Variants in MIB2 observed in about 807,000 individuals in gnomAD.
MIB2 encodes the protein MIB E3 ubiquitin protein ligase 2, also known as E3 ubiquitin-protein ligase MIB2.
A neutral mutation model predicts 96.6 loss-of-function variants in MIB2; 78 were observed. The ratio of observed to expected loss-of-function variants is 0.81; its 90% CI spans 0.67 to 0.97. The LOEUF (loss-of-function observed/expected upper bound fraction) is 0.97, where lower values mean the gene tolerates loss of function less well. Among genes scored for constraint, MIB2 ranks in the 50% least tolerant of loss-of-function variants. The probability of loss-of-function intolerance (pLI) is 0.00; values close to 1 mark genes in which losing one functional copy is unlikely to be tolerated. For missense variants in MIB2, 1,543 were observed against 1,424.0 expected, an observed-to-expected ratio of 1.08 and a Z score of -1.35; for synonymous variants, 820 against 629.5, an observed-to-expected ratio of 1.30 and a Z score of -4.53.
In MIB2 at chr1:1,630,289, C is replaced by T; in HGVS notation, c.2630-3C>T. On this transcript the variant is annotated splice_region_variant and splice_polypyrimidine_tract_variant and intron_variant, in intron 19 of 19. Transcript: ENST00000355826. ...CAGCTCACACCCGTCCCCCACCCCG[C>T]AGACGGCTCTGAGGTGGCGAGCGCC... 6.7e-7 allele frequency: 1 copy of T among 1,491,450 alleles called. No individual in the cohort carries two copies. The highest frequency in any genetic ancestry group is 8.9e-7 in the Non-Finnish European group (1 of 1,124,878). The allele number at this position is 1,491,450 out of a possible 1,614,324, so 92.4% of individuals were successfully genotyped here.
chr1:1,626,885 C>G lies in MIB2; in HGVS notation c.1126C>G (p.Leu376Val), dbSNP rs748782576. Residue 376 changes from leucine (L) to valine (V), a missense_variant, in exon 10 of 20, where the codon CTG (leucine) becomes GTG (valine). Leu to Val is a conservative substitution (Grantham distance 32, BLOSUM62 1). Coordinates refer to ENST00000355826, the MANE Select transcript of MIB2 (RefSeq NM_001170687.4). The surrounding 1 kb of genome is among the most constrained non-coding windows in gnomAD (Gnocchi z 5.3). ...KVVKVFGDGN[L>V]RVAVAGQRWT... is the part of the protein sequence containing the mutation. Reference sequence around the variant, plus strand: ...GGTGAAAGTGTTTGGAGACGGGAACCTGCGTGTAGCAGTCGCTGGTCAGCG... The same window carrying G: ...GGTGAAAGTGTTTGGAGACGGGAACGTGCGTGTAGCAGTCGCTGGTCAGCG... 2 of 1,606,454 alleles carry G rather than the reference C, an allele frequency of 1.2e-6. No individual in the cohort carries two copies. Among genetic ancestry groups the G allele is most frequent in the South Asian group, 2.2e-5 (2 of 90,998 alleles).
chr1:1,625,162 A>G lies in MIB2; in HGVS notation c.698A>G (p.Tyr233Cys), dbSNP rs753164143. 1 of 1,611,810 alleles carries G rather than the reference A, an allele frequency of 6.2e-7. No individual in the cohort carries two copies. Among genetic ancestry groups the G allele is most frequent in the Non-Finnish European group, 8.5e-7 (1 of 1,179,148 alleles). Residue 233 changes from tyrosine (Y) to cysteine (C), a missense_variant, in exon 6 of 20, where the codon TAC (tyrosine) becomes TGC (cysteine). Coordinates refer to ENST00000355826, the MANE Select transcript of MIB2 (RefSeq NM_001170687.4). The surrounding 1 kb of genome is among the most constrained non-coding windows in gnomAD (Gnocchi z 5.0). Reference sequence around the variant, plus strand: ...GGCGAGGCAGCGGGCGGCTTCTACTACAAGGACCACCTCCCAAGGCTCGGT... The same window carrying G: ...GGCGAGGCAGCGGGCGGCTTCTACTGCAAGGACCACCTCCCAAGGCTCGGT... ...CVGEAAGGFY[Y>C]KDHLPRLGKP...
Position 1,616,608 on chromosome 1 carries a change from C to T in MIB2, c.-29C>T, listed in dbSNP as rs776074962. 8 of 1,592,060 alleles carry T rather than the reference C, an allele frequency of 5.0e-6. No individual in the cohort carries two copies. Among genetic ancestry groups the T allele is most frequent in the Admixed American group, 1.7e-5 (1 of 58,252 alleles). On this transcript the variant is annotated 5_prime_UTR_variant, in exon 2 of 20. Coordinates refer to ENST00000355826, the MANE Select transcript of MIB2 (RefSeq NM_001170687.4). ...GCGGCCCGGCGGGCGACTGGACGGC[C>T]GGACAGGTGAGCTCTTGATCGTCCG...
In MIB2 at chr1:1,629,122, C is replaced by T. The variant is rs754071109; in HGVS notation, c.2203-11C>T. 6.8e-7 allele frequency: 1 copy of T among 1,477,472 alleles called. No homozygotes were observed. The highest frequency in any genetic ancestry group is 2.8e-5 in the East Asian group (1 of 35,380). The allele number at this position is 1,477,472 out of a possible 1,614,324, so 91.5% of individuals were successfully genotyped here. A position where few individuals can be genotyped will look rare whatever the true frequency, so the allele number is the denominator to read the frequency against. Reference sequence around the variant, plus strand: ...GCGCCCGCCCTCACCGGCGTCTGTCCTGCCGCCCAGCTACAGGCCTCGGGC... The same window carrying T: ...GCGCCCGCCCTCACCGGCGTCTGTCTTGCCGCCCAGCTACAGGCCTCGGGC... On this transcript the variant is annotated splice_polypyrimidine_tract_variant and intron_variant, in intron 16 of 19. Transcript: ENST00000355826.
upstream of MIB2, chr1:1,615,437 ATCCCCG>A: frequency 6.7e-7 from 1 of 1,502,576 alleles, no homozygotes; most frequent in Non-Finnish European, 8.8e-7. Context: ...TGCCCTGCCC[ATCCCCG>A]TGGCGGGGGC....
chr1:1,629,476 C>T lies in MIB2; in HGVS notation c.2473C>T (p.Pro825Ser). 1.3e-6 allele frequency: 2 copies of T among 1,532,472 alleles called. No homozygotes were observed. Among genetic ancestry groups the T allele is most frequent in the Non-Finnish European group, 1.7e-6 (2 of 1,145,390 alleles). The allele number at this position is 1,532,472 out of a possible 1,614,324, so 94.9% of individuals were successfully genotyped here. A position where few individuals can be genotyped will look rare whatever the true frequency, so the allele number is the denominator to read the frequency against. Residue 825 changes from proline to serine, a missense_variant, in exon 18 of 20, where the codon CCG (proline) becomes TCG (serine). Pro to Ser is a moderately conservative substitution (Grantham distance 74, BLOSUM62 -1). Coordinates refer to ENST00000355826, the MANE Select transcript of MIB2 (RefSeq NM_001170687.4). ...TVTNLHVGAA[P>S]GPEAAECLVC... is the part of the protein sequence containing the mutation. Reference sequence around the variant, plus strand: ...GACGAACCTGCACGTGGGCGCCGCGCCGGGGCCCGAGGCCGCTGAGTGCCT... The same window carrying T: ...GACGAACCTGCACGTGGGCGCCGCGTCGGGGCCCGAGGCCGCTGAGTGCCT...
Position 1,623,447 on chromosome 1 carries a change from C to T in MIB2, c.-6C>T. ...TGCCCACAGGTCCCGAGCAGCCCCG[C>T]CCAACATGGACCCAGACCCCCAGGC... On this transcript the variant is annotated 5_prime_UTR_variant, in exon 3 of 20. Transcript: ENST00000355826. 2 of 1,601,070 alleles carry T rather than the reference C, an allele frequency of 1.2e-6. No homozygotes were observed. The highest frequency in any genetic ancestry group is 1.7e-6 in the Non-Finnish European group (2 of 1,175,406).
rs766873347 is a variant in MIB2 at position 1,623,902 on chromosome 1, C to A, written c.376C>A (p.Leu126Ile). 6 of 1,611,922 alleles carry A rather than the reference C, an allele frequency of 3.7e-6. No individual in the cohort carries two copies. The African/African-American group carries it at 6.7e-5, about 18-fold the overall frequency. Residue 126 changes from leucine (L) to isoleucine (I), a missense_variant, in exon 4 of 20, where the codon CTC (leucine) becomes ATC (isoleucine). By Grantham distance (5) the Leu-to-Ile change is conservative. Coordinates refer to ENST00000355826, the MANE Select transcript of MIB2 (RefSeq NM_001170687.4). ...GTGCTACATGCACAACAAGCATGAG[C>A]TCGCCCACGCCTTCGACCGCTACGA... ...TQCYMHNKHE[L>I]AHAFDRYETA...
Position 1,628,096 on chromosome 1 carries a change from G to C in MIB2, c.1758G>C (p.Thr586=). The change falls in exon 14 of 20, where the codon ACG becomes ACC. Residue 586 remains threonine (T), a synonymous_variant. Transcript: ENST00000355826. ...TGASGIVEVL[T]EVPNIDVTAT... ...CCAGCGGCATTGTCGAGGTCCTCAC[G>C]GAGGTGCCAAACATCGATGTTACCG... The C allele has an allele frequency of 6.2e-7, 1 of 1,613,298 alleles. No individual in the cohort carries two copies. Among genetic ancestry groups the C allele is most frequent in the South Asian group, 1.1e-5 (1 of 91,088 alleles).
At position 1,630,597 on chromosome 1, in the gene MIB2, A is replaced by G. The variant is rs968139886; in HGVS notation, c.*67A>G. 7.6e-5 allele frequency: 99 copies of G among 1,299,464 alleles called. No individual in the cohort carries two copies. Among genetic ancestry groups the G allele is most frequent in the Non-Finnish European group, 1.0e-4 (99 of 976,918 alleles). 80.5% of individuals were successfully genotyped at this position (1,299,464 alleles called of 1,614,324 possible). On this transcript the variant is annotated 3_prime_UTR_variant, in exon 20 of 20. Transcript: ENST00000355826. ...CGCCCTGTGTTTTATAAAAAGAAAGATTCTCGGACGTTGCCTCTGCTGTCT... is the reference window on the plus strand; with the variant it reads ...CGCCCTGTGTTTTATAAAAAGAAAGGTTCTCGGACGTTGCCTCTGCTGTCT...
rs758133671 is a variant in MIB2, at chr1:1,629,388, G to C, written c.2385G>C (p.Glu795Asp). 7 of 1,443,308 alleles carry C rather than the reference G, an allele frequency of 4.8e-6. No individual in the cohort carries two copies. In the Admixed American group the frequency reaches 2.0e-4, roughly 42 times the overall value. The allele number at this position is 1,443,308 out of a possible 1,614,324, so 89.4% of individuals were successfully genotyped here. A position where few individuals can be genotyped will look rare whatever the true frequency, so the allele number is the denominator to read the frequency against. Residue 795 changes from glutamate to aspartate, a missense_variant, in exon 18 of 20, where the codon GAG (glutamate) becomes GAC (aspartate). Transcript: ENST00000355826. Reference sequence around the variant, plus strand: ...AAGCCGCCTCCTCCCCCTGCAGGGAGCGGCAGGCGGGCGGGGGCGCGGCCC... The same window carrying C: ...AAGCCGCCTCCTCCCCCTGCAGGGACCGGCAGGCGGGCGGGGGCGCGGCCC... ...ALQGCAQRFR[E>D]RQAGGGAAPG...
rs749905882 is a variant in MIB2 at position 1,627,279 on chromosome 1, G to A, written c.1375-17G>A. On this transcript the variant is annotated splice_polypyrimidine_tract_variant and intron_variant, in intron 11 of 19. Coordinates refer to ENST00000355826, the MANE Select transcript of MIB2 (RefSeq NM_001170687.4). ...GGGGCAGAGGGCCAGGGACTCACCT[G>A]CTGGCACTCTTGGCAGGTGGACACC... 59 of 1,613,226 alleles carry A rather than the reference G, an allele frequency of 3.7e-5. No individual in the cohort carries two copies. The highest frequency in any genetic ancestry group is 5.0e-5 in the Admixed American group (3 of 60,028).
Position 1,625,407 on chromosome 1 carries a change from C to T in MIB2, c.843C>T (p.Gly281=). The change falls in exon 7 of 20, where the codon GGC becomes GGT. Residue 281 remains glycine (G), a synonymous_variant. Coordinates refer to ENST00000355826, the MANE Select transcript of MIB2 (RefSeq NM_001170687.4). This position sits in a 1 kb window ranked among gnomAD's most constrained non-coding sequence, Gnocchi z 5.0. ...GGGAGATGCAGGAAGGCCACGGCGG[C>T]TGGAACCCCAGGATGGCGGAGGTGA... ...VLREMQEGHG[G]WNPRMAEFIG... 1 of 1,577,236 alleles carries T rather than the reference C, an allele frequency of 6.3e-7. No individual in the cohort carries two copies. The highest frequency in any genetic ancestry group is 8.6e-7 in the Non-Finnish European group (1 of 1,163,644).
Position 1,626,861 on chromosome 1 carries a change from G to T in MIB2, c.1102G>T (p.Val368Leu), listed in dbSNP as rs1170027275. The T allele has an allele frequency of 2.5e-6, 4 of 1,604,102 alleles. No homozygotes were observed. In the Admixed American group the frequency reaches 5.0e-5, roughly 20 times the overall value. The change falls in exon 10 of 20, where the codon GTG becomes TTG. Residue 368 changes from valine (V) to leucine (L), a missense_variant. By Grantham distance (32) the Val-to-Leu change is conservative. Transcript: ENST00000355826. The surrounding 1 kb of genome is among the most constrained non-coding windows in gnomAD (Gnocchi z 5.3). The stretch of plus-strand genomic sequence containing the variant: ...GGCCCTGGGCCGCGTCGGGAAGGTG[G>T]TGAAAGTGTTTGGAGACGGGAACCT... ...APALGRVGKV[V>L]KVFGDGNLRV...
In MIB2 at chr1:1,629,713, G is replaced by A. The variant is rs1486651289; in HGVS notation, c.2629+9G>A. On this transcript the variant is annotated intron_variant, in intron 19 of 19. Coordinates refer to ENST00000355826, the MANE Select transcript of MIB2 (RefSeq NM_001170687.4). ...CAAGAAACTGCGCCCAGGTGGGTGA[G>A]GCTCTGCGCCCCCAACACGCCTCCT... 6 of 1,581,530 alleles carry A rather than the reference G, an allele frequency of 3.8e-6. No individual in the cohort carries two copies. In the African/African-American group the frequency reaches 4.1e-5, roughly 11 times the overall value.
At chr1:1,624,220 G>T in intron 4 of MIB2, 1 of 519,582 alleles carries the variant, frequency 1.9e-6, no homozygotes, top group South Asian at 2.7e-5. Context: ...CCAGCACCTG[G>T]GCTGTCTTGG....
rs1644682943 is a variant in MIB2, at chr1:1,625,611, C to G, written c.930C>G (p.Asn310Lys). Residue 310 changes from asparagine to lysine, a missense_variant, in exon 8 of 20, where the codon AAC (asparagine) becomes AAG (lysine). Physicochemically the swap from Asn to Lys is moderately conservative, Grantham distance 94. Coordinates refer to ENST00000355826, the MANE Select transcript of MIB2 (RefSeq NM_001170687.4). The surrounding 1 kb of genome is among the most constrained non-coding windows in gnomAD (Gnocchi z 5.0). ...GCGGGGACGTGCGCGTGCAGTTCAA[C>G]CACGAGACGCGCTGGACCTTCCACC... The part of the protein sequence containing the change: ...TDRGDVRVQF[N>K]HETRWTFHPG... 1 of 1,575,884 alleles carries G rather than the reference C, an allele frequency of 6.3e-7. No homozygotes were observed. The highest frequency in any genetic ancestry group is 8.6e-7 in the Non-Finnish European group (1 of 1,161,392).
At chr1:1,615,275 G>A (rs1643480446), upstream of MIB2, 3 of 1,251,844 alleles carry the variant, frequency 2.4e-6, no homozygotes, top group South Asian at 3.5e-5. Context: ...CAGCGAGCGC[G>A]ACGTCGCTCC....
chr1:1,630,330 C>T lies in MIB2; in HGVS notation c.2668C>T (p.Pro890Ser), dbSNP rs1248578899. ...GGCGAGCGCCGCCCCCGCCCCCGGC[C>T]CGCCGCGCCAGCTGGTGGAGGAGCT... ...EVASAAPAPG[P>S]PRQLVEELQS... is the part of the protein sequence containing the mutation. The change falls in exon 20 of 20, where the codon CCG becomes TCG. Residue 890 changes from proline to serine, a missense_variant. Transcript: ENST00000355826. 3.3e-6 allele frequency: 5 copies of T among 1,533,058 alleles called. No individual in the cohort carries two copies. Among genetic ancestry groups the T allele is most frequent in the South Asian group, 1.2e-5 (1 of 83,152 alleles). 95.0% of individuals were successfully genotyped at this position (1,533,058 alleles called of 1,614,324 possible). A position where few individuals can be genotyped will look rare whatever the true frequency, so the allele number is the denominator to read the frequency against.
Sources: allele counts gnomAD v4.1 joint callset, GRCh38; gene constraint gnomAD v4.1.1; non-coding constraint Gnocchi (gnomAD v3.1); transcripts MANE v1.5; gene names NCBI Gene and HGNC (gene_info 2026-07-23, HGNC 2026-07-21).